Variants in ASXL3 observed in about 807,000 individuals in gnomAD.
ASXL3 encodes the protein ASXL transcriptional regulator 3, also known as putative Polycomb group protein ASXL3.
ASXL3 carries 34 observed loss-of-function variants against 170.6 expected under a neutral mutation model. That is an observed-to-expected ratio of 0.20 (90% confidence interval 0.15 to 0.27). The LOEUF (loss-of-function observed/expected upper bound fraction) is 0.27. Among genes scored for constraint, ASXL3 ranks in the 10% least tolerant of loss-of-function variants. The pLI, the probability that ASXL3 is intolerant of heterozygous loss-of-function variation, is 1.00. For missense variants in ASXL3, 2,592 were observed against 2,695.3 expected, an observed-to-expected ratio of 0.96 and a Z score of 0.85; for synonymous variants, 1,002 against 989.1, an observed-to-expected ratio of 1.01 and a Z score of -0.24.
intron 1 of ASXL3, among the ~76,000 whole-genome samples, chr18:33,584,626 GA>G (rs200532378): frequency 1.3e-4 from 20 of 150,564 alleles, no homozygotes; most frequent in African/African-American, 4.4e-4. Flanking sequence ...GAGGCAAAGT[GA>G]AAAAAAAATC....
intron 2 of ASXL3, among the ~76,000 whole-genome samples, chr18:33,640,256 A>G (rs1450308078): frequency 1.3e-5 from 2 of 152,018 alleles, no homozygotes; most frequent in African/African-American, 4.8e-5. Flanking sequence ...CTATATACAT[A>G]TATTACAAAC....
At chr18:33,638,265 G>A (rs2065800245) in intron 2 of ASXL3, among the ~76,000 whole-genome samples, 1 of 151,724 alleles carries the variant, frequency 6.6e-6, no homozygotes. Context: ...GTCTCACTGT[G>A]TTGCCCAGAC....
chr18:33,612,816 G>A (rs2065357955), intron 2 of ASXL3, among the ~76,000 whole-genome samples: 1 of 152,102 alleles, frequency 6.6e-6, no homozygotes, highest in African/African-American at 2.4e-5. Context: ...ATAAACGCAA[G>A]TAATTTCTAC....
intron 8 of ASXL3, among the ~76,000 whole-genome samples, chr18:33,729,411 A>T (rs1426888445): frequency 6.6e-6 from 1 of 152,092 alleles, no homozygotes; most frequent in Non-Finnish European, 1.5e-5. Flanking sequence ...AGAAAGTCTT[A>T]GAGTGTTATA....
chr18:33,594,336 A>C (rs905076686), intron 1 of ASXL3, among the ~76,000 whole-genome samples: 2 of 152,184 alleles, frequency 1.3e-5, no homozygotes, highest in Admixed American at 1.3e-4. Flanking sequence ...GAAAGTTAAT[A>C]ATTTTTCTTC....
intron 3 of ASXL3, among the ~76,000 whole-genome samples, chr18:33,645,807 A>G (rs901681374): frequency 6.6e-6 from 1 of 151,992 alleles, no homozygotes; most frequent in Admixed American, 6.6e-5. Context: ...TTCTTTAGCT[A>G]CTAAGCATCA....
chr18:33,682,621 C>T lies in ASXL3; in HGVS notation c.716-784C>T, dbSNP rs113259182. Among the ~76,000 whole-genome samples the T allele has an allele frequency of 6.5e-3, 993 of 152,190 alleles. 11 individuals carry two copies. Among genetic ancestry groups the T allele is most frequent in the African/African-American group, 0.023 (951 of 41,516 alleles). On this transcript the variant is annotated intron_variant, in intron 7 of 11. Transcript: ENST00000269197. ...TGAGTGCAGTGGCGCAGTCATGGCTCGCTGCACCCCTACCTCCCGCGCTTA... is the reference window on the plus strand; with the variant it reads ...TGAGTGCAGTGGCGCAGTCATGGCTTGCTGCACCCCTACCTCCCGCGCTTA...
chr18:33,624,264 G>C (rs76818479), intron 2 of ASXL3, among the ~76,000 whole-genome samples: 3,890 of 152,068 alleles, frequency 0.026, 184 homozygotes, highest in African/African-American at 0.089. Context: ...TATTAACTGA[G>C]ATGCTTTATT....
chr18:33,740,188 G>C lies in ASXL3; in HGVS notation c.2784G>C (p.Gly928=). 1 of 1,613,880 alleles carries C rather than the reference G, an allele frequency of 6.2e-7. No homozygotes were observed. The highest frequency in any genetic ancestry group is 1.3e-5 in the African/African-American group (1 of 75,036). ...EGSRNKTHKQ[G]STQSRLETSH... ...CTAGAAATAAAACACATAAGCAAGG[G>C]AGTACACAGAGTCGGTTAGAAACCT... is the stretch of plus-strand genomic sequence containing the variant. The change falls in exon 11 of 12, where the codon GGG becomes GGC. Residue 928 remains glycine (G), a synonymous_variant. Coordinates refer to ENST00000269197, the MANE Select transcript of ASXL3 (RefSeq NM_030632.3).
intron 8 of ASXL3, among the ~76,000 whole-genome samples, chr18:33,713,345 C>CCCCCCCG (rs1555736915): frequency 2.6e-5 from 1 of 37,960 alleles, no homozygotes; most frequent in South Asian, 6.7e-4. Flanking sequence ...ACCTCCACCC[C>CCCCCCCG]CCCCCGGGTT....
intron 7 of ASXL3, among the ~76,000 whole-genome samples, chr18:33,674,598 C>T (rs975586205): frequency 3.9e-5 from 6 of 151,982 alleles, no homozygotes; most frequent in African/African-American, 1.4e-4. Flanking sequence ...TTAAATGTAA[C>T]CATCTCCAGA....
intron 5 of ASXL3, among the ~76,000 whole-genome samples, chr18:33,662,155 A>G (rs2066184236): frequency 6.6e-6 from 1 of 152,196 alleles, no homozygotes. Context: ...ACAAATAAGA[A>G]AAATAGTGTT....
At chr18:33,580,887 A>G (rs1316004736) in intron 1 of ASXL3, among the ~76,000 whole-genome samples, 1 of 152,184 alleles carries the variant, frequency 6.6e-6, no homozygotes, top group Non-Finnish European at 1.5e-5. Context: ...GTATGTATTC[A>G]AAATGTGCCA....
intron 1 of ASXL3, among the ~76,000 whole-genome samples, chr18:33,590,368 A>G (rs995954348): frequency 2.6e-5 from 4 of 152,058 alleles, no homozygotes; most frequent in African/African-American, 9.7e-5. Context: ...TCCTGCACCA[A>G]CAGCAATTGC....
chr18:33,717,046 G>A (rs1372833588), intron 8 of ASXL3, among the ~76,000 whole-genome samples: 1 of 152,046 alleles, frequency 6.6e-6, no homozygotes, highest in Non-Finnish European at 1.5e-5. Flanking sequence ...TATACATCAA[G>A]GAGGTGATTA....
At chr18:33,590,607 G>A (rs1200781148) in intron 1 of ASXL3, among the ~76,000 whole-genome samples, 5 of 151,956 alleles carry the variant, frequency 3.3e-5, no homozygotes, top group African/African-American at 1.2e-4. Context: ...TCTAATGTAG[G>A]TACTCTTCAT....
intron 8 of ASXL3, among the ~76,000 whole-genome samples, chr18:33,690,710 T>C (rs2066673406): frequency 1.3e-5 from 2 of 152,166 alleles, no homozygotes; most frequent in South Asian, 4.1e-4. Flanking sequence ...CCTCTTACTC[T>C]TAATATATCT....
In ASXL3 at chr18:33,681,641, G is replaced by C. The variant is rs1395053783; in HGVS notation, c.716-1764G>C. ...GATGTTTGGAGATTTCAACACACTA[G>C]ATGGAGGAATGGGTATCTTTCTTGA... is the stretch of plus-strand genomic sequence containing the variant. On this transcript the variant is annotated intron_variant, in intron 7 of 11. Transcript: ENST00000269197. Among the ~76,000 whole-genome samples, 3 of 151,718 alleles carry C rather than the reference G, an allele frequency of 2.0e-5. No individual in the cohort carries two copies. In the East Asian group the frequency reaches 5.8e-4, roughly 29 times the overall value.
At position 33,745,973 on chromosome 18, in the gene ASXL3, C is replaced by T. The variant is rs2067781421; in HGVS notation, c.6125C>T (p.Pro2042Leu). Reference sequence around the variant, plus strand: ...CCTCCCCCCCCACCACCTCCGCTACCTCCACCTCTCCCTAATGCAGAAGTC... The same window carrying T: ...CCTCCCCCCCCACCACCTCCGCTACTTCCACCTCTCCCTAATGCAGAAGTC... Reference protein sequence around the residue: ...PPPPPPPPPLPPPLPNAEVPS... With the variant: ...PPPPPPPPPLLPPLPNAEVPS... Residue 2042 changes from proline (P) to leucine (L), a missense_variant, in exon 12 of 12, where the codon CCT becomes CTT. By Grantham distance (98) the Pro-to-Leu change is moderately conservative. Coordinates refer to ENST00000269197, the MANE Select transcript of ASXL3 (RefSeq NM_030632.3). The T allele has an allele frequency of 6.3e-7, 1 of 1,591,492 alleles. No individual in the cohort carries two copies. Among genetic ancestry groups the T allele is most frequent in the Non-Finnish European group, 8.5e-7 (1 of 1,170,644 alleles).
Sources: allele counts gnomAD v4.1 joint callset (sites outside exome capture counted in the v4.1 genomes callset), GRCh38; gene constraint gnomAD v4.1.1; transcripts MANE v1.5; gene names NCBI Gene and HGNC (gene_info 2026-07-23, HGNC 2026-07-21).